The following VPS41 variants were observed in gnomAD, a reference collection of about 807,000 sequenced individuals.
VPS41 encodes vacuolar protein sorting-associated protein 41 homolog.
Under a neutral mutation model 130.9 loss-of-function variants are expected in VPS41, and 85 were observed. The observed-to-expected ratio is 0.65, with a 90% CI of 0.55 to 0.78. The LOEUF (loss-of-function observed/expected upper bound fraction) is 0.78, where lower values mean the gene tolerates loss of function less well. VPS41 is among the 30% of genes least tolerant of loss of function. The pLI is 0.00. For missense variants in VPS41, 874 were observed against 1,018.7 expected (o/e 0.86, Z 1.93); for synonymous variants, 335 against 332.9 (o/e 1.01, Z -0.07).
chr7:38,742,178 T>C, intron 24 of VPS41, 57 bp from the exon 25 acceptor site: 1 of 1,492,930 alleles, frequency 6.7e-7, no homozygotes, highest in South Asian at 1.3e-5. Context: ...TGCAATTTTA[T>C]TTGCACATAA....
chr7:38,879,891 T>TAAA (rs11406848), intron 2 of VPS41, among the ~76,000 whole-genome samples: 14 of 146,060 alleles, frequency 9.6e-5, no homozygotes, highest in East Asian at 8.0e-4. Context: ...GTCATTTCTT[T>TAAA]AAAAAAAAAA....
chr7:38,873,590 T>C (rs1786421982), intron 2 of VPS41, among the ~76,000 whole-genome samples: 1 of 152,202 alleles, frequency 6.6e-6, no homozygotes, highest in Non-Finnish European at 1.5e-5. Flanking sequence ...TGAGTTAAGA[T>C]GACAGTTAAC....
chr7:38,792,301 C>CCACCTAT (rs1490067763), intron 9 of VPS41, among the ~76,000 whole-genome samples: 1 of 152,196 alleles, frequency 6.6e-6, no homozygotes, highest in East Asian at 1.9e-4. Flanking sequence ...TGGGTTCTTG[C>CCACCTAT]CCATGAACTC....
At chr7:38,905,789 T>G (rs912242295) in intron 1 of VPS41, among the ~76,000 whole-genome samples, 6 of 152,170 alleles carry the variant, frequency 3.9e-5, no homozygotes, top group Admixed American at 6.5e-5. Flanking sequence ...TGGGGGTTTT[T>G]TTGTTGTTGT....
chr7:38,753,643 T>C (rs3779127), intron 21 of VPS41, among the ~76,000 whole-genome samples: 43,562 of 152,110 alleles, frequency 0.29, 7,055 homozygotes, highest in Non-Finnish European at 0.38. Flanking sequence ...ACTGATTACA[T>C]TGTCGCACAG....
intron 3 of VPS41, among the ~76,000 whole-genome samples, chr7:38,865,557 T>C (rs1338452364): frequency 6.6e-6 from 1 of 152,202 alleles, no homozygotes; most frequent in Non-Finnish European, 1.5e-5. Context: ...AGAGAATGCT[T>C]AAAATGGAAG....
chr7:38,808,056 A>G (rs1784873974), intron 7 of VPS41, among the ~76,000 whole-genome samples: 1 of 152,262 alleles, frequency 6.6e-6, no homozygotes, highest in African/African-American at 2.4e-5. Context: ...TAAAGAAAAA[A>G]GTATATTTTT....
chr7:38,878,906 T>G (rs370202701), intron 2 of VPS41, among the ~76,000 whole-genome samples: 2 of 152,328 alleles, frequency 1.3e-5, no homozygotes, highest in South Asian at 4.1e-4. Flanking sequence ...CAATCACTTC[T>G]GCTTTTTTCA....
At position 38,724,599 on chromosome 7, in the gene VPS41, C is replaced by CTTT. The variant is rs151106962; in HGVS notation, c.*1644_*1646dup. The CTTT allele has an allele frequency of 8.3e-6, 1 of 120,134 alleles. No individual in the cohort carries two copies. The highest frequency in any genetic ancestry group is 1.7e-5 in the Non-Finnish European group (1 of 58,632). The allele number at this position is 120,134 out of a possible 1,614,324, so 7.4% of individuals were successfully genotyped here. On this transcript the variant is annotated 3_prime_UTR_variant, in exon 29 of 29. Transcript: ENST00000310301. ...TTGGCCCTATGATTTCTTTTCTTTTCTTTTCTTTTTTGAGACGGAGTTTTG... is the reference window on the plus strand; with the variant it reads ...TTGGCCCTATGATTTCTTTTCTTTTCTTTTTTTCTTTTTTGAGACGGAGTTTTG...
Position 38,723,482 on chromosome 7 carries a change from C to G in VPS41, c.*2764G>C, listed in dbSNP as rs910264184. 6.6e-6 allele frequency: 1 copy of G among 152,002 alleles called. No homozygotes were observed. The highest frequency in any genetic ancestry group is 2.4e-5 in the African/African-American group (1 of 41,378). 9.4% of individuals were successfully genotyped at this position (152,002 alleles called of 1,614,324 possible). A position where few individuals can be genotyped will look rare whatever the true frequency, so the allele number is the denominator to read the frequency against. On this transcript the variant is annotated 3_prime_UTR_variant, in exon 29 of 29. Coordinates refer to ENST00000310301, the MANE Select transcript of VPS41 (RefSeq NM_014396.4). ...ACTTACGCCTGTAATCCTAACACTT[C>G]GGAAGGCCGAGGTGGGCGGATTCCT... is the stretch of plus-strand genomic sequence containing the variant.
intron 2 of VPS41, among the ~76,000 whole-genome samples, chr7:38,880,014 C>T (rs1786571152): frequency 6.6e-6 from 1 of 152,116 alleles, no homozygotes; most frequent in South Asian, 2.1e-4. Context: ...AGCGCATATA[C>T]ACTGTACTAG....
At chr7:38,829,771 TG>T (rs1453099709) in intron 5 of VPS41, among the ~76,000 whole-genome samples, 1 of 152,232 alleles carries the variant, frequency 6.6e-6, no homozygotes, top group Non-Finnish European at 1.5e-5. Flanking sequence ...ATGTGGCCAT[TG>T]TAAGACACTT....
At chr7:38,897,418 G>A (rs1430142680) in intron 2 of VPS41, among the ~76,000 whole-genome samples, 1 of 151,870 alleles carries the variant, frequency 6.6e-6, no homozygotes, top group Non-Finnish European at 1.5e-5. Context: ...GGCAGAGGCG[G>A]GTGGATCACA....
intron 1 of VPS41, among the ~76,000 whole-genome samples, chr7:38,907,692 A>G (rs1330644228): frequency 1.3e-5 from 2 of 152,218 alleles, no homozygotes; most frequent in African/African-American, 2.4e-5. Context: ...ACAGTGGTAA[A>G]TATTTCATAG....
chr7:38,835,201 T>C (rs1426711635), intron 4 of VPS41, among the ~76,000 whole-genome samples: 1 of 151,978 alleles, frequency 6.6e-6, no homozygotes, highest in Non-Finnish European at 1.5e-5. Context: ...CTAGCCTCTT[T>C]GCAGAAACTC....
chr7:38,895,432 T>G (rs1238324639), intron 2 of VPS41, among the ~76,000 whole-genome samples: 1 of 151,466 alleles, frequency 6.6e-6, no homozygotes, highest in African/African-American at 2.4e-5. Context: ...GTTATGTTAT[T>G]GTTTTCTGCT....
chr7:38,814,890 T>A (rs4720306), intron 7 of VPS41, among the ~76,000 whole-genome samples: 1 of 151,838 alleles, frequency 6.6e-6, no homozygotes, highest in East Asian at 1.9e-4. Context: ...GATTTATCAA[T>A]ATTTTAAGTG....
At chr7:38,893,416 C>T (rs530647091) in intron 2 of VPS41, among the ~76,000 whole-genome samples, 9 of 152,242 alleles carry the variant, frequency 5.9e-5, no homozygotes, top group Admixed American at 5.9e-4. Context: ...TCCCACCTCA[C>T]TCTGTTACCA....
intron 15 of VPS41, among the ~76,000 whole-genome samples, chr7:38,767,022 AC>A (rs201330994): frequency 0.014 from 2,077 of 152,274 alleles, 24 homozygotes; most frequent in Middle Eastern, 0.034. Flanking sequence ...CCGTATCACA[AC>A]CCACTGCATG....
Sources: gnomAD v4.1 joint callset for allele counts (sites outside exome capture counted in the v4.1 genomes callset) on GRCh38, gnomAD v4.1.1 for gene constraint, MANE v1.5 for transcripts, NCBI Gene and HGNC (gene_info 2026-07-23, HGNC 2026-07-21) for gene names.